Variants in MCC observed in about 807,000 individuals in gnomAD.
MCC encodes MCC regulator of Wnt signaling pathway, also known as colorectal mutant cancer protein.
MCC carries 90 observed loss-of-function variants against 116.2 expected under a neutral mutation model. The observed-to-expected ratio is 0.77, with a 90% CI of 0.65 to 0.92. MCC has a LOEUF of 0.92. Among genes scored for constraint, MCC ranks in the 40% least tolerant of loss-of-function variants. The probability of loss-of-function intolerance (pLI) is 0.00; values close to 1 mark genes in which losing one functional copy is unlikely to be tolerated. For missense variants in MCC, 1,516 were observed against 1,312.2 expected (o/e 1.16, Z -2.40); for synonymous variants, 578 against 510.5 (o/e 1.13, Z -1.78).
In MCC at chr5:113,027,309, G is replaced by A. The variant is rs367917509; in HGVS notation, c.3053C>T (p.Ser1018Leu). 5.0e-6 allele frequency: 8 copies of A among 1,613,958 alleles called. No individual in the cohort carries two copies. Among genetic ancestry groups the A allele is most frequent in the South Asian group, 1.1e-5 (1 of 91,062 alleles). Reference protein sequence around the residue: ...ENSRPHTNETSL With the variant: ...ENSRPHTNETLL ...CCGGTGCGTGAGTGCTGATTAAAGCGAAGTTTCATTGGTGTGTGGCCTGGA... is the reference window on the plus strand; with the variant it reads ...CCGGTGCGTGAGTGCTGATTAAAGCAAAGTTTCATTGGTGTGTGGCCTGGA... The change falls in exon 19 of 19, where the codon TCG becomes TTG. Residue 1018 changes from serine (S) to leucine (L), a missense_variant. Ser to Leu is a moderately radical substitution (Grantham distance 145). Transcript: ENST00000408903.
intron 2 of MCC, among the ~76,000 whole-genome samples, chr5:113,377,504 T>C (rs898769703): frequency 1.3e-5 from 2 of 152,184 alleles, no homozygotes; most frequent in Middle Eastern, 3.4e-3. Flanking sequence ...TAGGAAGCCA[T>C]AGCAGCACTG....
rs149320478 is a variant in MCC at position 113,145,089 on chromosome 5, A to G, written c.742-1729T>C. 2.0e-5 allele frequency among the ~76,000 whole-genome samples: 3 copies of G among 152,366 alleles called. No individual in the cohort carries two copies. The East Asian group carries it at 5.8e-4, about 29-fold the overall frequency. ...CAGGATCTCAAAGGCATTTCTATCAATAAATGAAAGAGCTTCATATTTCTC... is the reference window on the plus strand; with the variant it reads ...CAGGATCTCAAAGGCATTTCTATCAGTAAATGAAAGAGCTTCATATTTCTC... On this transcript the variant is annotated intron_variant, in intron 4 of 18. Coordinates refer to ENST00000408903, the MANE Select transcript of MCC (RefSeq NM_001085377.2).
At chr5:113,194,698 GAAGGGA>G (rs1275797446) in intron 3 of MCC, among the ~76,000 whole-genome samples, 2 of 152,016 alleles carry the variant, frequency 1.3e-5, no homozygotes, top group Admixed American at 6.6e-5. Flanking sequence ...GAAGAAAGGG[GAAGGGA>G]AAGGGAAAGG....
chr5:113,428,455 G>A (rs1403864637), intron 1 of MCC, among the ~76,000 whole-genome samples: 1 of 152,110 alleles, frequency 6.6e-6, no homozygotes, highest in African/African-American at 2.4e-5. Context: ...AGACACTTAT[G>A]CCCCTTCCCC....
chr5:113,222,841 T>C (rs1015425678), intron 3 of MCC, among the ~76,000 whole-genome samples: 2 of 152,010 alleles, frequency 1.3e-5, no homozygotes, highest in Admixed American at 6.6e-5. Flanking sequence ...GGGAAGGAGA[T>C]ATGGTAAAAA....
intron 8 of MCC, among the ~76,000 whole-genome samples, chr5:113,090,330 G>C (rs1755517677): frequency 6.7e-6 from 1 of 148,936 alleles, no homozygotes; most frequent in African/African-American, 2.5e-5. Flanking sequence ...TCAGAAATGA[G>C]AAAGGAGGCT....
rs573520398 is a variant in MCC at position 113,046,352 on chromosome 5, C to T, written c.2656-2722G>A. 3.3e-5 allele frequency among the ~76,000 whole-genome samples: 5 copies of T among 152,066 alleles called. No individual in the cohort carries two copies. In the East Asian group the frequency reaches 5.8e-4, roughly 18 times the overall value. On this transcript the variant is annotated intron_variant, in intron 16 of 18. Coordinates refer to ENST00000408903, the MANE Select transcript of MCC (RefSeq NM_001085377.2). ...GGATTACAGGCGCCACCACCATGCC[C>T]GGCTAATTTTTGTATTTTTAGTAGA...
At chr5:113,474,269 T>C (rs1158582434) in intron 1 of MCC, among the ~76,000 whole-genome samples, 1 of 152,138 alleles carries the variant, frequency 6.6e-6, no homozygotes, top group African/African-American at 2.4e-5. Context: ...TGAGCAGTGC[T>C]GGTGTAGGAG....
intron 1 of MCC, among the ~76,000 whole-genome samples, chr5:113,451,489 C>T (rs772166023): frequency 2.0e-5 from 3 of 152,256 alleles, no homozygotes; most frequent in Admixed American, 6.5e-5. Context: ...AATCCCAGCA[C>T]TTTGGGAGGC....
chr5:113,252,906 G>A (rs1345702926), intron 3 of MCC, among the ~76,000 whole-genome samples: 1 of 152,244 alleles, frequency 6.6e-6, no homozygotes, highest in Non-Finnish European at 1.5e-5. Context: ...AAACTGCTAA[G>A]AGCATTTGCT....
At chr5:113,312,528 A>C (rs1284286056) in intron 3 of MCC, among the ~76,000 whole-genome samples, 2 of 152,178 alleles carry the variant, frequency 1.3e-5, no homozygotes, top group East Asian at 3.9e-4. Flanking sequence ...ACAGATGCTG[A>C]GTTACTTAGA....
rs1181947198 is a variant in MCC, at chr5:113,087,498, CA to C, written c.1399-2189del. Reference sequence around the variant, plus strand: ...GTCCCTCACAAACCAAAAATGGGTACAGGGGTGGATACCTCATTATGCCACA... The same window carrying C: ...GTCCCTCACAAACCAAAAATGGGTACGGGGTGGATACCTCATTATGCCACA... On this transcript the variant is annotated intron_variant, in intron 8 of 18. Coordinates refer to ENST00000408903, the MANE Select transcript of MCC (RefSeq NM_001085377.2). 1.1e-4 allele frequency among the ~76,000 whole-genome samples: 17 copies of C among 152,242 alleles called. 1 individual carries two copies. The South Asian group carries it at 2.3e-3, about 20-fold the overall frequency.
chr5:113,150,947 G>A (rs565400017), intron 4 of MCC, among the ~76,000 whole-genome samples: 19 of 152,206 alleles, frequency 1.2e-4, no homozygotes, highest in African/African-American at 4.1e-4. Flanking sequence ...GGGAGGCTGC[G>A]GTGTGAGGAA....
At chr5:113,474,062 A>T (rs184783981) in intron 1 of MCC, among the ~76,000 whole-genome samples, 152 of 152,334 alleles carry the variant, frequency 1.0e-3, no homozygotes, top group Non-Finnish European at 1.9e-3. Context: ...AATGCACCTA[A>T]TATGTATTTT....
chr5:113,466,127 AAG>A (rs1382749661), intron 1 of MCC, among the ~76,000 whole-genome samples: 6 of 152,164 alleles, frequency 3.9e-5, no homozygotes, highest in African/African-American at 1.4e-4. Flanking sequence ...GAAGCAAAGA[AAG>A]AGGCTGAGAT....
intron 3 of MCC, among the ~76,000 whole-genome samples, chr5:113,280,857 AAG>A (rs1443707833): frequency 6.6e-6 from 1 of 152,200 alleles, no homozygotes; most frequent in Non-Finnish European, 1.5e-5. Flanking sequence ...CCACCACCAT[AAG>A]AGAGTCCATG....
intron 17 of MCC, among the ~76,000 whole-genome samples, chr5:113,043,263 C>T (rs981659275): frequency 6.6e-5 from 10 of 152,190 alleles, no homozygotes; most frequent in African/African-American, 1.7e-4. Context: ...CTAGCCAATG[C>T]AACAACATAA....
chr5:113,337,645 T>G (rs373805877), intron 3 of MCC, among the ~76,000 whole-genome samples: 9 of 152,224 alleles, frequency 5.9e-5, no homozygotes, highest in African/African-American at 2.2e-4. Context: ...TATTAAACTT[T>G]CCCTGTGTGA....
In MCC at chr5:113,300,580, G is replaced by C. The variant is rs1020700203; in HGVS notation, c.627+39939C>G. ...ATTTTGAGGGCATAGGGGGATTTCA[G>C]AACCCTATGGAGACTCAGGAAGTCT... On this transcript the variant is annotated intron_variant, in intron 3 of 18. Coordinates refer to ENST00000408903, the MANE Select transcript of MCC (RefSeq NM_001085377.2). 5.3e-5 allele frequency among the ~76,000 whole-genome samples: 8 copies of C among 152,164 alleles called. 1 individual carries two copies. Among genetic ancestry groups the C allele is most frequent in the Non-Finnish European group, 1.0e-4 (7 of 68,036 alleles).
Sources: allele counts gnomAD v4.1 joint callset (sites outside exome capture counted in the v4.1 genomes callset), GRCh38; gene constraint gnomAD v4.1.1; transcripts MANE v1.5; gene names NCBI Gene and HGNC (gene_info 2026-07-23, HGNC 2026-07-21).